The following WWOX variants were observed in gnomAD, a reference collection of about 807,000 sequenced individuals.
WWOX encodes WW domain-containing oxidoreductase.
In WWOX, 69 loss-of-function variants were observed where a neutral mutation model predicts 46.2. The ratio of observed to expected loss-of-function variants is 1.49; its 90% CI spans 1.23 to 1.82. The LOEUF (loss-of-function observed/expected upper bound fraction) is 1.82. Among genes scored for constraint, WWOX ranks in the 40% most tolerant of loss-of-function variants. The probability of loss-of-function intolerance (pLI) is 0.00; values close to 1 mark genes in which losing one functional copy is unlikely to be tolerated. For synonymous variants in WWOX, 359 were observed against 202.6 expected, an observed-to-expected ratio of 1.77 and a Z score of -6.56; for missense variants, 919 against 542.6, an observed-to-expected ratio of 1.69 and a Z score of -6.89.
chr16:78,908,919 C>T lies in WWOX; in HGVS notation c.1057-302689C>T, dbSNP rs143684606. On this transcript the variant is annotated intron_variant, in intron 8 of 8. Transcript: ENST00000566780. Reference sequence around the variant, plus strand: ...GGGAGGTTCAGAATCTTGCAGCCTCCGGCAGCATGACTCCTAAACCCTAAT... The same window carrying T: ...GGGAGGTTCAGAATCTTGCAGCCTCTGGCAGCATGACTCCTAAACCCTAAT... Among the ~76,000 whole-genome samples, 384 of 152,282 alleles carry T rather than the reference C, an allele frequency of 2.5e-3. 3 individuals carry two copies. The highest frequency in any genetic ancestry group is 8.0e-3 in the African/African-American group (332 of 41,558).
chr16:78,496,239 G>A (rs2084915522), intron 8 of WWOX: 1 of 152,126 alleles, frequency 6.6e-6, no homozygotes, highest in Non-Finnish European at 1.5e-5. Flanking sequence ...AGGCAGCAGT[G>A]TTCCCTCCTC....
intron 1 of WWOX, among the ~76,000 whole-genome samples, chr16:78,107,821 A>G (rs1363387781): frequency 3.3e-5 from 5 of 151,802 alleles, no homozygotes; most frequent in Non-Finnish European, 5.9e-5. Flanking sequence ...AGAAACACAA[A>G]TAAATAAACA....
chr16:78,418,710 A>T (rs913746399), intron 6 of WWOX, among the ~76,000 whole-genome samples: 5 of 152,156 alleles, frequency 3.3e-5, no homozygotes. Flanking sequence ...CTCTCAATAC[A>T]TACATAAAAA....
At chr16:79,158,497 A>G (rs1390593047) in intron 8 of WWOX, among the ~76,000 whole-genome samples, 1 of 130,438 alleles carries the variant, frequency 7.7e-6, no homozygotes, top group East Asian at 2.0e-4. Context: ...CACACTTACA[A>G]ATACAACTCC....
At chr16:78,643,456 C>T (rs2046768012) in intron 8 of WWOX, among the ~76,000 whole-genome samples, 1 of 152,122 alleles carries the variant, frequency 6.6e-6, no homozygotes, top group East Asian at 1.9e-4. Flanking sequence ...ATAAGGTGTG[C>T]TACCAAGTCA....
At chr16:78,937,352 C>G (rs922575020) in intron 8 of WWOX, among the ~76,000 whole-genome samples, 3 of 150,436 alleles carry the variant, frequency 2.0e-5, no homozygotes, top group Non-Finnish European at 3.0e-5. Context: ...TATGCATTAA[C>G]AAAGACATCC....
At chr16:78,649,863 C>G (rs2046927331) in intron 8 of WWOX, among the ~76,000 whole-genome samples, 1 of 152,200 alleles carries the variant, frequency 6.6e-6, no homozygotes. Flanking sequence ...ACCTTGTCTT[C>G]CACATATGGT....
At chr16:78,408,927 T>C (rs747617868) in intron 6 of WWOX, among the ~76,000 whole-genome samples, 6 of 149,034 alleles carry the variant, frequency 4.0e-5, no homozygotes, top group Non-Finnish European at 7.4e-5. Context: ...GAAAGTACTG[T>C]GATTTAAAAT....
chr16:78,749,471 G>A (rs896871777), intron 8 of WWOX, among the ~76,000 whole-genome samples: 1 of 152,186 alleles, frequency 6.6e-6, no homozygotes, highest in Non-Finnish European at 1.5e-5. Context: ...TTGGGTTCTG[G>A]TGATAGAATA....
At chr16:78,522,401 C>T (rs772237198) in intron 8 of WWOX, among the ~76,000 whole-genome samples, 19 of 152,170 alleles carry the variant, frequency 1.2e-4, no homozygotes, top group South Asian at 6.2e-4. Flanking sequence ...ACTGTGTACA[C>T]GGTTCTGGAA....
intron 6 of WWOX, among the ~76,000 whole-genome samples, chr16:78,419,625 C>CGAAAAAAAAAA (rs1491558183): frequency 2.2e-5 from 1 of 44,690 alleles, no homozygotes; most frequent in Non-Finnish European, 4.6e-5. Context: ...CAAAAAATAG[C>CGAAAAAAAAAA]AAAAAAAAAA....
At chr16:78,640,574 A>G (rs2046683301) in intron 8 of WWOX, among the ~76,000 whole-genome samples, 1 of 152,152 alleles carries the variant, frequency 6.6e-6, no homozygotes, top group Non-Finnish European at 1.5e-5. Flanking sequence ...GCAAACCACC[A>G]TGGCACACAT....
At chr16:78,972,020 C>T (rs191481589) in intron 8 of WWOX, among the ~76,000 whole-genome samples, 1 of 152,280 alleles carries the variant, frequency 6.6e-6, no homozygotes, top group Admixed American at 6.5e-5. Flanking sequence ...TACTCCGAAA[C>T]TTCTTGCTCC....
intron 8 of WWOX, among the ~76,000 whole-genome samples, chr16:78,861,064 C>A (rs568893718): frequency 1.3e-4 from 20 of 152,226 alleles, no homozygotes; most frequent in African/African-American, 4.3e-4. Context: ...AAGCAATGTG[C>A]TTGCCTTGGC....
intron 8 of WWOX, among the ~76,000 whole-genome samples, chr16:78,560,366 G>C (rs1416646846): frequency 6.6e-6 from 1 of 152,186 alleles, no homozygotes; most frequent in Non-Finnish European, 1.5e-5. Context: ...TTAGTGGCCA[G>C]GTGCGGTGGC....
rs1567553440 is a variant in WWOX at position 78,406,339 on chromosome 16, TATATATATATA to T, written c.606-18530_606-18520del. 1.4e-4 allele frequency among the ~76,000 whole-genome samples: 15 copies of T among 105,916 alleles called. 1 individual carries two copies. The highest frequency in any genetic ancestry group is 7.8e-4 in the African/African-American group (14 of 18,052). 69.5% of individuals were successfully genotyped at this position (105,916 alleles called of 152,430 possible). On this transcript the variant is annotated intron_variant, in intron 6 of 8. Transcript: ENST00000566780. ...ATATATATATATATATATATATATATATATATATATATATATTTTATTATTTTTTTTTGAGA... is the reference window on the plus strand; with the variant it reads ...ATATATATATATATATATATATATATTATATTTTATTATTTTTTTTTGAGA...
chr16:78,116,510 T>G (rs189133199), intron 4 of WWOX, among the ~76,000 whole-genome samples: 36 of 152,322 alleles, frequency 2.4e-4, no homozygotes, highest in African/African-American at 7.7e-4. Context: ...AGGATTTTAT[T>G]TCAAATCAAC....
chr16:78,672,779 T>C (rs548052309), intron 8 of WWOX, among the ~76,000 whole-genome samples: 1 of 152,380 alleles, frequency 6.6e-6, no homozygotes, highest in South Asian at 2.1e-4. Context: ...GATTATGGCC[T>C]GACAGCTCTT....
intron 8 of WWOX, among the ~76,000 whole-genome samples, chr16:78,710,100 T>C (rs1375692008): frequency 6.6e-6 from 1 of 151,998 alleles, no homozygotes; most frequent in East Asian, 1.9e-4. Flanking sequence ...TGTGTTTCTT[T>C]TTGCTGGCAG....
Sources: allele counts gnomAD v4.1 joint callset (sites outside exome capture counted in the v4.1 genomes callset), GRCh38; gene constraint gnomAD v4.1.1; transcripts MANE v1.5; gene names NCBI Gene and HGNC (gene_info 2026-07-23, HGNC 2026-07-21).